Variants in DSP observed in about 807,000 individuals in gnomAD.
DSP encodes desmoplakin.
A neutral mutation model predicts 290.6 loss-of-function variants in DSP; 114 were observed. The ratio of observed to expected loss-of-function variants is 0.39; its 90% CI spans 0.34 to 0.46. DSP has a LOEUF of 0.46. Ranked by LOEUF, DSP falls within the 20% of genes least tolerant of loss-of-function variation. The pLI, the probability that DSP is intolerant of heterozygous loss-of-function variation, is 0.99. For missense variants in DSP, 3,230 were observed against 3,495.8 expected, an observed-to-expected ratio of 0.92 and a Z score of 1.92; for synonymous variants, 1,311 against 1,316.4, an observed-to-expected ratio of 1.00 and a Z score of 0.09.
At position 7,580,343 on chromosome 6, in the gene DSP, G is replaced by A; in HGVS notation, c.4153G>A (p.Glu1385Lys). The A allele has an allele frequency of 1.2e-6, 2 of 1,614,124 alleles. No individual in the cohort carries two copies. Among genetic ancestry groups the A allele is most frequent in the Non-Finnish European group, 1.7e-6 (2 of 1,180,026 alleles). Residue 1385 changes from glutamate to lysine, a missense_variant, in exon 23 of 24, where the codon GAA becomes AAA. Physicochemically the swap from Glu to Lys is moderately conservative, Grantham distance 56. Around this residue, in one of 5 missense-constraint regions of DSP, gnomAD observed 1,714 missense variants for 1,844.5 expected, o/e 0.93. Transcript: ENST00000379802. This position sits in a 1 kb window ranked among gnomAD's most constrained non-coding sequence, Gnocchi z 4.2. ...TTIHQLTMQKEEDTSGYRAQI... is the reference protein window; with the variant it reads ...TTIHQLTMQKKEDTSGYRAQI... The stretch of plus-strand genomic sequence containing the variant: ...CATCCACCAGCTCACCATGCAGAAG[G>A]AAGAGGATACCAGTGGCTACCGGGC...
intron 9 of DSP, 50 bp from the exon 10 acceptor site, chr6:7,567,731 A>G: frequency 6.2e-7 from 1 of 1,612,742 alleles, no homozygotes; most frequent in Non-Finnish European, 8.5e-7. Context: ...ACTAGATGAA[A>G]TTGCTCATTG....
chr6:7,541,722 C>T lies in DSP; in HGVS notation c.-194C>T. 2 of 654,172 alleles carry T rather than the reference C, an allele frequency of 3.1e-6. No homozygotes were observed. The highest frequency in any genetic ancestry group is 4.2e-5 in the South Asian group (2 of 47,696). The allele number at this position is 654,172 out of a possible 1,614,324, so 40.5% of individuals were successfully genotyped here. On this transcript the variant is annotated 5_prime_UTR_variant, in exon 1 of 24. Coordinates refer to ENST00000379802, the MANE Select transcript of DSP (RefSeq NM_004415.4). ...CCACAGCTTTCCTCCCGCTCCTGCC[C>T]CCGGCCCGTCGCCGTCTCCGCGCTC... is the stretch of plus-strand genomic sequence containing the variant.
chr6:7,568,279 G>A (rs1372751541), intron 10 of DSP, among the ~76,000 whole-genome samples, 158 bp from the exon 11 acceptor site: 1 of 152,146 alleles, frequency 6.6e-6, no homozygotes, highest in African/African-American at 2.4e-5. Flanking sequence ...GTCATGAAAG[G>A]TTCTCATGTT....
At position 7,579,449 on chromosome 6, in the gene DSP, G is replaced by A. The variant is rs1561697118; in HGVS notation, c.3259G>A (p.Glu1087Lys). The A allele has an allele frequency of 6.2e-7, 1 of 1,614,156 alleles. No homozygotes were observed. The highest frequency in any genetic ancestry group is 8.5e-7 in the Non-Finnish European group (1 of 1,180,030). ...ASLEELKRQA[E>K]LDGKSAKQNL... The stretch of plus-strand genomic sequence containing the variant: ...CCTGGAGGAGCTGAAGAGACAGGCT[G>A]AGCTGGATGGGAAGTCGGCTAAGCA... Residue 1087 changes from glutamate (E) to lysine (K), a missense_variant, in exon 23 of 24, where the codon GAG becomes AAG. Around this residue, in one of 5 missense-constraint regions of DSP, gnomAD observed 1,714 missense variants for 1,844.5 expected, o/e 0.93. Transcript: ENST00000379802. The surrounding 1 kb of genome is among the most constrained non-coding windows in gnomAD (Gnocchi z 4.1).
intron 9 of DSP, 74 bp downstream of exon 9, chr6:7,567,523 C>T (rs1758898180): frequency 7.4e-7 from 1 of 1,348,488 alleles, no homozygotes; most frequent in Admixed American, 1.7e-5. Flanking sequence ...TTTTATAAAG[C>T]ACTGAAAATA....
At chr6:7,543,208 G>C (rs1331308641) in intron 1 of DSP, among the ~76,000 whole-genome samples, 1 of 152,016 alleles carries the variant, frequency 6.6e-6, no homozygotes, top group Non-Finnish European at 1.5e-5. Flanking sequence ...TGGGAAAGAG[G>C]CCCTGAGCGC....
At position 7,580,969 on chromosome 6, in the gene DSP, G is replaced by T; in HGVS notation, c.4779G>T (p.Lys1593Asn). 1.9e-6 allele frequency: 3 copies of T among 1,614,112 alleles called. No homozygotes were observed. Among genetic ancestry groups the T allele is most frequent in the Non-Finnish European group, 2.5e-6 (3 of 1,180,004 alleles). ...CAGAAGACTCCTGCAAGAGGAAGAA[G>T]CTGGAGGAAGAGCTGGAAGGCATGA... ...TASEDSCKRKKLEEELEGMRR... is the reference protein window; with the variant it reads ...TASEDSCKRKNLEEELEGMRR... The change falls in exon 23 of 24, where the codon AAG becomes AAT. Residue 1593 changes from lysine (K) to asparagine (N), a missense_variant. This residue lies in a region of DSP where 1,714 missense variants were observed against 1,844.5 expected (regional missense o/e 0.93). Transcript: ENST00000379802. The surrounding 1 kb of genome is among the most constrained non-coding windows in gnomAD (Gnocchi z 4.2).
intron 1 of DSP, among the ~76,000 whole-genome samples, chr6:7,551,608 C>A (rs765636330): frequency 6.6e-6 from 1 of 150,396 alleles, no homozygotes; most frequent in African/African-American, 2.5e-5. Context: ...CCAGCCTGGG[C>A]GACAGAGTGA....
At position 7,575,419 on chromosome 6, in the gene DSP, G is replaced by A; in HGVS notation, c.2561G>A (p.Gly854Asp). The change falls in exon 18 of 24, where the codon GGC becomes GAC. Residue 854 changes from glycine to aspartate, a missense_variant. This residue lies in a region of DSP where 1,714 missense variants were observed against 1,844.5 expected (regional missense o/e 0.93). Coordinates refer to ENST00000379802, the MANE Select transcript of DSP (RefSeq NM_004415.4). The stretch of plus-strand genomic sequence containing the variant: ...TATCCACTTTATGATCTGGACTTGG[G>A]CAAGTTCGGTGAAAAAGTCACACAG... ...QQYPLYDLDL[G>D]KFGEKVTQLT... The A allele has an allele frequency of 6.2e-7, 1 of 1,614,134 alleles. No homozygotes were observed. The highest frequency in any genetic ancestry group is 8.5e-7 in the Non-Finnish European group (1 of 1,180,014).
At chr6:7,552,033 C>T (rs1416586804) in intron 1 of DSP, among the ~76,000 whole-genome samples, 3 of 152,178 alleles carry the variant, frequency 2.0e-5, no homozygotes, top group African/African-American at 4.8e-5. Context: ...AAGGATCAGA[C>T]GCGGTCTTGA....
In DSP at chr6:7,559,213, T is replaced by TTTTTC. The variant is rs1758597924; in HGVS notation, c.423-9_423-5dup. 6.2e-7 allele frequency: 1 copy of TTTTTC among 1,613,644 alleles called. No individual in the cohort carries two copies. Among genetic ancestry groups the TTTTTC allele is most frequent in the African/African-American group, 1.3e-5 (1 of 74,898 alleles). ...GTTTTCCTGCAGTGGTTTAAAGGTT[T>TTTTTC]TTTTCTTTGCAGGCTTCTTCAGCTC... On this transcript the variant is annotated splice_polypyrimidine_tract_variant and intron_variant, in intron 3 of 23. Transcript: ENST00000379802.
chr6:7,583,663 T>C lies in DSP; in HGVS notation c.6401T>C (p.Val2134Ala). The change falls in exon 24 of 24, where the codon GTA becomes GCA. Residue 2134 changes from valine (V) to alanine (A), a missense_variant. Physicochemically the swap from Val to Ala is moderately conservative, Grantham distance 64. Around this residue, in one of 5 missense-constraint regions of DSP, gnomAD observed 1,714 missense variants for 1,844.5 expected, o/e 0.93. Coordinates refer to ENST00000379802, the MANE Select transcript of DSP (RefSeq NM_004415.4). This position sits in a 1 kb window ranked among gnomAD's most constrained non-coding sequence, Gnocchi z 4.0. ...GAAGCCCAGATTGCTTCAGGGGGTG[T>C]AGTAGACCCTGTGAACAGTGTCTTT... ...LLEAQIASGG[V>A]VDPVNSVFLP... 1 of 1,614,082 alleles carries C rather than the reference T, an allele frequency of 6.2e-7. No individual in the cohort carries two copies. The highest frequency in any genetic ancestry group is 8.5e-7 in the Non-Finnish European group (1 of 1,179,996).
At chr6:7,561,309 A>C (rs892582308) in intron 4 of DSP, among the ~76,000 whole-genome samples, 10 of 152,184 alleles carry the variant, frequency 6.6e-5, no homozygotes, top group Non-Finnish European at 1.3e-4. Context: ...CGGGTTAGGC[A>C]CGCAGCCCTC....
intron 1 of DSP, among the ~76,000 whole-genome samples, chr6:7,548,334 C>G (rs570297185): frequency 6.6e-6 from 1 of 152,270 alleles, no homozygotes; most frequent in Non-Finnish European, 1.5e-5. Flanking sequence ...TAAGAGCTAT[C>G]ACTAAGTGAG....
chr6:7,568,151 T>G (rs763683705), intron 10 of DSP, among the ~76,000 whole-genome samples: 27 of 152,234 alleles, frequency 1.8e-4, no homozygotes, highest in Non-Finnish European at 3.2e-4. Context: ...AGAACATTAC[T>G]TCACATGACA....
chr6:7,570,289 G>A lies in DSP; in HGVS notation c.1575-148G>A, dbSNP rs566121800. ...GGGGAGTAAATGAATCCAAATCCAT[G>A]AACTGTTTTCAAAGTTATACCTCTA... On this transcript the variant is annotated intron_variant, in intron 12 of 23. Coordinates refer to ENST00000379802, the MANE Select transcript of DSP (RefSeq NM_004415.4). 9.2e-5 allele frequency: 108 copies of A among 1,171,426 alleles called. 1 individual carries two copies. In the South Asian group the frequency reaches 1.3e-3, roughly 14 times the overall value. 72.6% of individuals were successfully genotyped at this position (1,171,426 alleles called of 1,614,324 possible).
chr6:7,568,348 G>T, intron 10 of DSP, 89 bp from the exon 11 acceptor site: 2 of 1,419,932 alleles, frequency 1.4e-6, no homozygotes, highest in Non-Finnish European at 2.0e-6. Flanking sequence ...TACTCAGTGT[G>T]TCATGTAGCT....
At chr6:7,543,097 G>C (rs182786470) in intron 1 of DSP, among the ~76,000 whole-genome samples, 2 of 152,176 alleles carry the variant, frequency 1.3e-5, no homozygotes, top group Non-Finnish European at 2.9e-5. Flanking sequence ...TGCTTTGACC[G>C]GGTCTCGGGA....
Position 7,583,863 on chromosome 6 carries a change from C to A in DSP, c.6601C>A (p.Leu2201Ile). The stretch of plus-strand genomic sequence containing the variant: ...CGAACCACATACTGGTCTGCTCTTG[C>A]TTTCAGTACAGAAGAGAAGCATGTC... Reference protein sequence around the residue: ...RIEPHTGLLLLSVQKRSMSFQ... With the variant: ...RIEPHTGLLLISVQKRSMSFQ... The change falls in exon 24 of 24, where the codon CTT becomes ATT. Residue 2201 changes from leucine to isoleucine, a missense_variant. Transcript: ENST00000379802. The surrounding 1 kb of genome is among the most constrained non-coding windows in gnomAD (Gnocchi z 4.0). 6.2e-7 allele frequency: 1 copy of A among 1,614,182 alleles called. No homozygotes were observed. The highest frequency in any genetic ancestry group is 8.5e-7 in the Non-Finnish European group (1 of 1,180,026).
Sources: gnomAD v4.1 joint callset for allele counts (sites outside exome capture counted in the v4.1 genomes callset) on GRCh38, gnomAD v4.1.1 for gene constraint, gnomAD v4.1.1 regional missense constraint, Gnocchi (gnomAD v3.1) non-coding constraint, MANE v1.5 for transcripts, NCBI Gene and HGNC (gene_info 2026-07-23, HGNC 2026-07-21) for gene names.